UNC13C: variants seen among roughly 807,000 people sequenced by gnomAD.
The protein encoded by UNC13C is protein unc-13 homolog C.
UNC13C carries 174 observed loss-of-function variants against 245.4 expected under a neutral mutation model. The observed-to-expected ratio is 0.71, with a 90% CI of 0.63 to 0.80. UNC13C has a LOEUF of 0.80. UNC13C is among the 30% of genes least tolerant of loss of function. UNC13C has a pLI of 0.00. For synonymous variants in UNC13C, 992 were observed against 895.1 expected (o/e 1.11, Z -1.93); for missense variants, 2,829 against 2,602.9 (o/e 1.09, Z -1.89).
At chr15:54,223,150 T>C (rs555624054) in intron 4 of UNC13C, among the ~76,000 whole-genome samples, 10 of 152,246 alleles carry the variant, frequency 6.6e-5, no homozygotes, top group African/African-American at 2.4e-4. Context: ...TATGGGATAT[T>C]ACTCAAGAAA....
chr15:54,440,151 A>G (rs909530315), intron 19 of UNC13C, among the ~76,000 whole-genome samples: 1 of 151,990 alleles, frequency 6.6e-6, no homozygotes, highest in Non-Finnish European at 1.5e-5. Context: ...ATAAGTGTCT[A>G]GAATTTCTCC....
intron 17 of UNC13C, among the ~76,000 whole-genome samples, chr15:54,390,071 T>C (rs1475762596): frequency 6.6e-6 from 1 of 152,178 alleles, no homozygotes; most frequent in African/African-American, 2.4e-5. Context: ...CCAACCCAAG[T>C]CTTGTCAGCT....
chr15:54,237,808 T>A, intron 7 of UNC13C, 118 bp downstream of exon 7: 3 of 850,796 alleles, frequency 3.5e-6, no homozygotes, highest in Non-Finnish European at 5.5e-6. Context: ...CAGAAATAAC[T>A]GGGAGCATGA....
rs1459560364 is a variant in UNC13C, at chr15:54,500,154, G to C, written c.5136G>C (p.Leu1712=). The change falls in exon 21 of 33, where the codon CTG becomes CTC. Residue 1712 remains leucine (L), a synonymous_variant. Transcript: ENST00000260323. ...CAATGGAATTCCTTCATGGAGCACT[G>C]GGAAGAGACAAAAAAGATGGAGTGA... ...DVSMEFLHGA[L]GRDKKDGFQQ... is the part of the protein sequence containing the mutation. 8.1e-6 allele frequency: 13 copies of C among 1,610,050 alleles called. No homozygotes were observed. Among genetic ancestry groups the C allele is most frequent in the Non-Finnish European group, 1.1e-5 (13 of 1,178,518 alleles).
intron 2 of UNC13C, chr15:54,050,483 A>G (rs1357749137): frequency 1.8e-6 from 1 of 541,820 alleles, no homozygotes; most frequent in East Asian, 4.9e-5. Context: ...GTCTTTGACC[A>G]AATTTTTATT....
chr15:54,395,581 C>T lies in UNC13C; in HGVS notation c.4847+2400C>T, dbSNP rs368606871. On this transcript the variant is annotated intron_variant, in intron 18 of 32. Transcript: ENST00000260323. ...TATGTGAAGGACATGCTAAAAGTAG[C>T]TTGGGTTTTGTTTTAGAGGCAAAGG... is the stretch of plus-strand genomic sequence containing the variant. Among the ~76,000 whole-genome samples the T allele has an allele frequency of 5.9e-5, 9 of 151,892 alleles. No individual in the cohort carries two copies. In the South Asian group the frequency reaches 1.2e-3, roughly 21 times the overall value.
chr15:54,466,050 A>G (rs1892146542), intron 19 of UNC13C, among the ~76,000 whole-genome samples: 1 of 151,994 alleles, frequency 6.6e-6, no homozygotes, highest in South Asian at 2.1e-4. Context: ...ACATGGACGG[A>G]ACTGAAGGTT....
intron 4 of UNC13C, among the ~76,000 whole-genome samples, chr15:54,184,676 AT>A (rs2033914543): frequency 1.3e-5 from 2 of 152,334 alleles, no homozygotes; most frequent in South Asian, 4.1e-4. Context: ...ATCGTTGGAC[AT>A]TTGGGTTGGT....
chr15:54,227,582 T>C (rs572937574), intron 4 of UNC13C, among the ~76,000 whole-genome samples: 3 of 152,162 alleles, frequency 2.0e-5, no homozygotes, highest in Non-Finnish European at 2.9e-5. Context: ...AGGACTTCCC[T>C]GAGTGCACAC....
chr15:54,497,960 T>A (rs1470699818), intron 20 of UNC13C, among the ~76,000 whole-genome samples: 2 of 151,878 alleles, frequency 1.3e-5, no homozygotes, highest in Non-Finnish European at 2.9e-5. Flanking sequence ...ATATATAACA[T>A]TCATCAAAAA....
At chr15:54,007,518 C>A (rs1329829600) in intron 1 of UNC13C, among the ~76,000 whole-genome samples, 1 of 152,084 alleles carries the variant, frequency 6.6e-6, no homozygotes, top group African/African-American at 2.4e-5. Context: ...GAACAGAAAA[C>A]CAAACACTGC....
the UNC13C span, among the ~76,000 whole-genome samples, chr15:53,958,108 C>A: frequency 3.3e-5 from 5 of 152,242 alleles, no homozygotes; most frequent in African/African-American, 1.2e-4. Context: ...ATGAGAAATA[C>A]TACAGCCACT....
chr15:54,066,996 A>C (rs544965588), intron 2 of UNC13C, among the ~76,000 whole-genome samples: 4 of 152,162 alleles, frequency 2.6e-5, no homozygotes, highest in Admixed American at 2.0e-4. Context: ...TACCACACTC[A>C]CTCCATCTAA....
the UNC13C span, chr15:53,968,185 A>T: frequency 6.6e-6 from 1 of 152,174 alleles, no homozygotes; most frequent in Non-Finnish European, 1.5e-5. Context: ...CAACTCAATG[A>T]TTATCAAAAG....
At chr15:54,138,997 G>C (rs369769453) in intron 2 of UNC13C, among the ~76,000 whole-genome samples, 1 of 92,690 alleles carries the variant, frequency 1.1e-5, no homozygotes, top group Non-Finnish European at 1.9e-5. Flanking sequence ...GTCTCGCTTT[G>C]TCGCCAGGCT....
At chr15:54,586,660 T>C (rs1452507182) in intron 30 of UNC13C, among the ~76,000 whole-genome samples, 2 of 152,222 alleles carry the variant, frequency 1.3e-5, no homozygotes, top group African/African-American at 4.8e-5. Context: ...GAGTTGAGCT[T>C]CTTATTTTTA....
chr15:53,964,484 G>T, the UNC13C span, among the ~76,000 whole-genome samples: 1 of 152,038 alleles, frequency 6.6e-6, no homozygotes, highest in African/African-American at 2.4e-5. Flanking sequence ...ATAATTACTG[G>T]GTAGCCAATA....
At chr15:53,847,249 C>T in the UNC13C span, among the ~76,000 whole-genome samples, 1 of 152,216 alleles carries the variant, frequency 6.6e-6, no homozygotes, top group East Asian at 1.9e-4. Context: ...TTTTAACTTT[C>T]ACTACTTACC....
intron 27 of UNC13C, among the ~76,000 whole-genome samples, chr15:54,549,220 A>G (rs1297740955): frequency 6.6e-6 from 1 of 152,174 alleles, no homozygotes; most frequent in African/African-American, 2.4e-5. Context: ...TAGACTGGAC[A>G]GCATTTTAGA....
Sources: gnomAD v4.1 joint callset for allele counts (sites outside exome capture counted in the v4.1 genomes callset) on GRCh38, gnomAD v4.1.1 for gene constraint, MANE v1.5 for transcripts, NCBI Gene and HGNC (gene_info 2026-07-23, HGNC 2026-07-21) for gene names.